CSMD3: variants seen among roughly 807,000 people sequenced by gnomAD.
CSMD3 encodes CUB and sushi domain-containing protein 3.
In CSMD3, 177 loss-of-function variants were observed where a neutral mutation model predicts 435.2. The ratio of observed to expected loss-of-function variants is 0.41; its 90% confidence interval spans 0.36 to 0.46. The LOEUF (loss-of-function observed/expected upper bound fraction) is 0.46, where lower values mean the gene tolerates loss of function less well. Among genes scored for constraint, CSMD3 ranks in the 20% least tolerant of loss-of-function variants. CSMD3 has a pLI of 0.34. For synonymous variants in CSMD3, 1,656 were observed against 1,520.5 expected, an observed-to-expected ratio of 1.09 and a Z score of -2.07; for missense variants, 4,265 against 4,504.6, an observed-to-expected ratio of 0.95 and a Z score of 1.52.
At position 113,046,464 on chromosome 8, in the gene CSMD3, G is replaced by T. The variant is rs147078698; in HGVS notation, c.918-27285C>A. Among the ~76,000 whole-genome samples the T allele has an allele frequency of 1.3e-3, 170 of 128,978 alleles. 4 individuals carry two copies. Among genetic ancestry groups the T allele is most frequent in the African/African-American group, 4.1e-3 (165 of 39,930 alleles). The allele number at this position is 128,978 out of a possible 152,430, so 84.6% of individuals were successfully genotyped here. Reference sequence around the variant, plus strand: ...CCAGGTGTCTCCCTCTGAGAGTTCTGAAGTCCGCGGGCCTGAGAGGAACGC... The same window carrying T: ...CCAGGTGTCTCCCTCTGAGAGTTCTTAAGTCCGCGGGCCTGAGAGGAACGC... On this transcript the variant is annotated intron_variant, in intron 5 of 70. Coordinates refer to ENST00000297405, the MANE Select transcript of CSMD3 (RefSeq NM_198123.2).
At chr8:112,537,391 A>T (rs1208020389) in intron 27 of CSMD3, among the ~76,000 whole-genome samples, 1 of 137,728 alleles carries the variant, frequency 7.3e-6, no homozygotes, top group Non-Finnish European at 1.6e-5. Context: ...AATTATAAAG[A>T]TCAGAACAGG....
chr8:113,423,375 C>T (rs2094618756), intron 1 of CSMD3, among the ~76,000 whole-genome samples: 1 of 151,924 alleles, frequency 6.6e-6, no homozygotes, highest in African/African-American at 2.4e-5. Flanking sequence ...CTCTTTTGTG[C>T]TAACAGTAAA....
intron 30 of CSMD3, among the ~76,000 whole-genome samples, chr8:112,503,259 A>G (rs1822163229): frequency 6.6e-6 from 1 of 152,082 alleles, no homozygotes; most frequent in African/African-American, 2.4e-5. Flanking sequence ...TTAAAACAAA[A>G]CAATGTAGAA....
intron 13 of CSMD3, among the ~76,000 whole-genome samples, chr8:112,736,212 GT>G (rs1431615893): frequency 6.6e-6 from 1 of 152,018 alleles, no homozygotes; most frequent in Admixed American, 6.6e-5. Context: ...AGGCCCTCAA[GT>G]TTCCCCCGTG....
At chr8:113,141,230 G>C (rs1275252130) in intron 4 of CSMD3, among the ~76,000 whole-genome samples, 1 of 150,672 alleles carries the variant, frequency 6.6e-6, no homozygotes, top group East Asian at 1.9e-4. Flanking sequence ...AAATGCTTTT[G>C]CTGAGGAATT....
chr8:112,807,780 T>A (rs1175782644), intron 12 of CSMD3, among the ~76,000 whole-genome samples: 1 of 152,174 alleles, frequency 6.6e-6, no homozygotes, highest in Non-Finnish European at 1.5e-5. Context: ...TGTAACAGAT[T>A]GTAAACTTGG....
chr8:112,729,575 G>A (rs1334201617), intron 13 of CSMD3, among the ~76,000 whole-genome samples: 1 of 152,104 alleles, frequency 6.6e-6, no homozygotes, highest in Non-Finnish European at 1.5e-5. Flanking sequence ...CTTTGCAGAT[G>A]TAATTAACGA....
At chr8:112,380,500 G>T in intron 37 of CSMD3, 44 bp from the exon 38 acceptor site, 1 of 950,576 alleles carries the variant, frequency 1.1e-6, no homozygotes, top group Non-Finnish European at 1.7e-6. Context: ...CACATAATAA[G>T]TACTATAATA....
At chr8:113,004,548 C>A (rs1008097809) in intron 6 of CSMD3, among the ~76,000 whole-genome samples, 2 of 151,976 alleles carry the variant, frequency 1.3e-5, no homozygotes, top group African/African-American at 4.8e-5. Flanking sequence ...GATTCCCTGA[C>A]CTTCTTTGAC....
At chr8:112,940,763 T>C (rs1436624764) in intron 9 of CSMD3, among the ~76,000 whole-genome samples, 1 of 151,790 alleles carries the variant, frequency 6.6e-6, no homozygotes, top group Non-Finnish European at 1.5e-5. Context: ...TCCTCAGTGA[T>C]TATAAAAATA....
intron 24 of CSMD3, among the ~76,000 whole-genome samples, chr8:112,561,303 C>A (rs192789773): frequency 6.6e-6 from 1 of 151,556 alleles, no homozygotes. Context: ...AAATTTTATA[C>A]GCTGGTGAAA....
rs534394549 is a variant in CSMD3, at chr8:113,436,934, C to CG, written c.-81dup. ...CTGTTGTTGGTGCGCGGTCACAGCT[C>CG]GGAGTGAATGGTGTTTCTGGGATAC... On this transcript the variant is annotated 5_prime_UTR_variant, in exon 1 of 71. Coordinates refer to ENST00000297405, the MANE Select transcript of CSMD3 (RefSeq NM_198123.2). The CG allele has an allele frequency of 9.2e-4, 1,371 of 1,486,144 alleles. 32 individuals carry two copies. In the South Asian group the frequency reaches 0.015, roughly 16 times the overall value. 92.1% of individuals were successfully genotyped at this position (1,486,144 alleles called of 1,614,324 possible).
At chr8:113,190,256 C>T (rs1333968761) in intron 3 of CSMD3, among the ~76,000 whole-genome samples, 1 of 151,724 alleles carries the variant, frequency 6.6e-6, no homozygotes, top group Non-Finnish European at 1.5e-5. Context: ...GTGAGGTAAA[C>T]TTGTGAGCAG....
At position 113,347,409 on chromosome 8, in the gene CSMD3, T is replaced by C. The variant is rs1023143030; in HGVS notation, c.179-32616A>G. 1.5e-4 allele frequency among the ~76,000 whole-genome samples: 23 copies of C among 152,282 alleles called. 1 individual carries two copies. The highest frequency in any genetic ancestry group is 7.9e-4 in the Admixed American group (12 of 15,262). On this transcript the variant is annotated intron_variant, in intron 1 of 70. Coordinates refer to ENST00000297405, the MANE Select transcript of CSMD3 (RefSeq NM_198123.2). ...TATTTACTTTAGAAGGAATAATACA[T>C]TGAAAGGCGTGTAAAGGTGAAAATC...
intron 3 of CSMD3, among the ~76,000 whole-genome samples, chr8:113,221,103 A>T (rs966792060): frequency 1.3e-5 from 2 of 151,328 alleles, no homozygotes; most frequent in African/African-American, 4.8e-5. Flanking sequence ...TGCAATACCC[A>T]AATTTTGTTG....
intron 6 of CSMD3, among the ~76,000 whole-genome samples, chr8:112,976,880 G>A (rs1304061063): frequency 3.3e-5 from 5 of 151,650 alleles, no homozygotes; most frequent in Non-Finnish European, 5.9e-5. Flanking sequence ...TATACAGCAC[G>A]TAACTTTAAT....
intron 6 of CSMD3, among the ~76,000 whole-genome samples, chr8:113,013,402 T>C (rs1291319585): frequency 1.3e-5 from 2 of 152,060 alleles, no homozygotes; most frequent in Non-Finnish European, 2.9e-5. Context: ...TTATTATCTC[T>C]TTCCAGTGAA....
chr8:112,402,907 A>G (rs997908166), intron 35 of CSMD3, among the ~76,000 whole-genome samples: 6 of 152,200 alleles, frequency 3.9e-5, no homozygotes, highest in Non-Finnish European at 8.8e-5. Flanking sequence ...TGTTATTTAT[A>G]ACATTTCATG....
chr8:112,865,046 T>C (rs189320020), intron 10 of CSMD3, among the ~76,000 whole-genome samples: 32 of 152,282 alleles, frequency 2.1e-4, no homozygotes, highest in Admixed American at 7.2e-4. Context: ...CTAACATCGA[T>C]AGAAGTACAG....
Sources: gnomAD v4.1 joint callset for allele counts (sites outside exome capture counted in the v4.1 genomes callset) on GRCh38, gnomAD v4.1.1 for gene constraint, MANE v1.5 for transcripts, NCBI Gene and HGNC (gene_info 2026-07-23, HGNC 2026-07-21) for gene names.